TSPAN11: variants seen among roughly 807,000 people sequenced by gnomAD.
TSPAN11 encodes tetraspanin 11.
TSPAN11 carries 29 observed loss-of-function variants against 32.9 expected under a neutral mutation model. The observed-to-expected ratio is 0.88, with a 90% confidence interval of 0.66 to 1.20. The LOEUF is 1.20. Ranked by LOEUF, TSPAN11 falls within the 50% of genes most tolerant of loss-of-function variation. The probability of loss-of-function intolerance (pLI) is 0.00; values close to 1 mark genes in which losing one functional copy is unlikely to be tolerated. For missense variants in TSPAN11, 283 were observed against 329.1 expected, an observed-to-expected ratio of 0.86 and a Z score of 1.08; for synonymous variants, 140 against 141.3, an observed-to-expected ratio of 0.99 and a Z score of 0.07.
intron 1 of TSPAN11, among the ~76,000 whole-genome samples, chr12:30,943,293 C>G (rs1253188777): frequency 2.6e-5 from 4 of 152,322 alleles, no homozygotes; most frequent in Non-Finnish European, 4.4e-5. Context: ...AACGTCTGCT[C>G]TGCGTGTCTG....
the TSPAN11 span, among the ~76,000 whole-genome samples, chr12:31,011,477 C>T: frequency 2.0e-5 from 3 of 152,202 alleles, no homozygotes; most frequent in Non-Finnish European, 1.5e-5. Context: ...TCCATCCCTC[C>T]CAGCCCCAGC....
the TSPAN11 span, among the ~76,000 whole-genome samples, chr12:31,013,605 C>CAA: frequency 6.6e-6 from 1 of 151,524 alleles, no homozygotes; most frequent in Non-Finnish European, 1.5e-5. Flanking sequence ...CAAAACAAAA[C>CAA]AAAACAAAAC....
At chr12:30,931,297 G>C (rs11051166) in intron 1 of TSPAN11, among the ~76,000 whole-genome samples, 17,373 of 152,068 alleles carry the variant, frequency 0.11, 1,055 homozygotes, top group Non-Finnish European at 0.14. Context: ...ATCAGTTGAG[G>C]TCACTTGCTA....
At chr12:30,985,212 T>C (rs1288370749) in intron 7 of TSPAN11, among the ~76,000 whole-genome samples, 1 of 152,062 alleles carries the variant, frequency 6.6e-6, no homozygotes, top group Non-Finnish European at 1.5e-5. Flanking sequence ...AGTTCTTTCA[T>C]CTCTGAGTCT....
intron 7 of TSPAN11, among the ~76,000 whole-genome samples, chr12:30,990,008 CCT>C (rs1311677152): frequency 6.6e-6 from 1 of 152,200 alleles, no homozygotes; most frequent in African/African-American, 2.4e-5. Context: ...CTGTGTGCCC[CCT>C]GTTGGCTGCT....
intron 1 of TSPAN11, among the ~76,000 whole-genome samples, chr12:30,929,006 A>G (rs1426042441): frequency 1.3e-5 from 2 of 152,234 alleles, no homozygotes; most frequent in East Asian, 3.8e-4. Flanking sequence ...TAAATTAGTA[A>G]GGGGATGTGC....
the TSPAN11 span, among the ~76,000 whole-genome samples, chr12:31,004,905 A>G: frequency 6.6e-6 from 1 of 152,216 alleles, no homozygotes; most frequent in Admixed American, 6.5e-5. Flanking sequence ...TCTGTTAGCA[A>G]ACACCATCAC....
the TSPAN11 span, among the ~76,000 whole-genome samples, chr12:31,004,123 C>T: frequency 2.6e-5 from 4 of 152,268 alleles, no homozygotes; most frequent in South Asian, 2.1e-4. Flanking sequence ...CCCCAGCCAG[C>T]GACATGCACT....
intron 7 of TSPAN11, among the ~76,000 whole-genome samples, chr12:30,989,940 C>T (rs571758049): frequency 2.0e-5 from 3 of 152,306 alleles, no homozygotes; most frequent in South Asian, 4.1e-4. Context: ...GCCTCCAAGC[C>T]GGGCCCAACC....
chr12:30,958,486 G>A (rs1224389547), intron 2 of TSPAN11, among the ~76,000 whole-genome samples: 5 of 152,066 alleles, frequency 3.3e-5, no homozygotes, highest in Admixed American at 2.0e-4. Context: ...CATTTTGGGC[G>A]TGGGACTGGG....
downstream of TSPAN11, among the ~76,000 whole-genome samples, chr12:30,999,506 T>G (rs1391116203): frequency 6.6e-6 from 1 of 152,122 alleles, no homozygotes; most frequent in East Asian, 1.9e-4. Context: ...AGCAAAGTCA[T>G]CTAACACAAA....
Position 30,958,812 on chromosome 12 carries a change from C to T in TSPAN11, c.84+4737C>T, listed in dbSNP as rs1244414228. Among the ~76,000 whole-genome samples, 4 of 152,188 alleles carry T rather than the reference C, an allele frequency of 2.6e-5. No homozygotes were observed. In the South Asian group the frequency reaches 6.2e-4, roughly 24 times the overall value. ...GCAGTGGCAGTGTCAGGCATGGGTC[C>T]CTTGATGGCCCAAGAGCGTGGCATC... On this transcript the variant is annotated intron_variant, in intron 2 of 7. Transcript: ENST00000546076.
At position 30,959,133 on chromosome 12, in the gene TSPAN11, A is replaced by G. The variant is rs367616480; in HGVS notation, c.85-4693A>G. On this transcript the variant is annotated intron_variant, in intron 2 of 7. Coordinates refer to ENST00000546076, the MANE Select transcript of TSPAN11 (RefSeq NM_001370302.1). ...TTTCCACAGCCCTCTACAGAGCCTC[A>G]TCCACTGAGTCTCACACTCACTGGG... Among the ~76,000 whole-genome samples, 9 of 152,238 alleles carry G rather than the reference A, an allele frequency of 5.9e-5. No homozygotes were observed. The East Asian group carries it at 1.5e-3, about 26-fold the overall frequency.
At chr12:31,011,042 G>C in the TSPAN11 span, among the ~76,000 whole-genome samples, 1 of 152,192 alleles carries the variant, frequency 6.6e-6, no homozygotes, top group Non-Finnish European at 1.5e-5. Flanking sequence ...AACACTTACT[G>C]TACATTTTCA....
the TSPAN11 span, among the ~76,000 whole-genome samples, chr12:31,010,492 C>CCT: frequency 6.6e-6 from 1 of 151,998 alleles, no homozygotes; most frequent in Admixed American, 6.6e-5. Context: ...TCAGGGTGGG[C>CCT]AACTTTAAAG....
At chr12:30,983,337 C>T (rs1422394477) in intron 7 of TSPAN11, among the ~76,000 whole-genome samples, 187 bp downstream of exon 7, 1 of 152,222 alleles carries the variant, frequency 6.6e-6, no homozygotes, top group Non-Finnish European at 1.5e-5. Flanking sequence ...GTCTCTCCCC[C>T]AGAGAACATG....
chr12:30,982,937 C>A, intron 6 of TSPAN11, 127 bp from the exon 7 acceptor site: 1 of 1,169,800 alleles, frequency 8.5e-7, no homozygotes, highest in Non-Finnish European at 1.2e-6. Context: ...GTGAGCAATT[C>A]AAGGTTGGGT....
In TSPAN11 at chr12:30,964,027, CG is replaced by C; in HGVS notation, c.276+11del. On this transcript the variant is annotated intron_variant, in intron 3 of 7. Coordinates refer to ENST00000546076, the MANE Select transcript of TSPAN11 (RefSeq NM_001370302.1). Reference sequence around the variant, plus strand: ...GGGCTGCCTCTCCACGGTCAGTGCCCGCCCTGTGCTCTGCAGGGATGGGGAG... The same window carrying C: ...GGGCTGCCTCTCCACGGTCAGTGCCCCCCTGTGCTCTGCAGGGATGGGGAG... The C allele has an allele frequency of 6.2e-7, 1 of 1,611,314 alleles. No individual in the cohort carries two copies. Among genetic ancestry groups the C allele is most frequent in the Non-Finnish European group, 8.5e-7 (1 of 1,179,232 alleles).
At chr12:30,979,786 G>A (rs1418860020) in intron 5 of TSPAN11, 116 bp downstream of exon 5, 1 of 978,906 alleles carries the variant, frequency 1.0e-6, no homozygotes, top group Non-Finnish European at 1.5e-6. Flanking sequence ...AGCTTCAAAT[G>A]TCACATCCTT....
Sources: gnomAD v4.1 joint callset for allele counts (sites outside exome capture counted in the v4.1 genomes callset) on GRCh38, gnomAD v4.1.1 for gene constraint, MANE v1.5 for transcripts, NCBI Gene and HGNC (gene_info 2026-07-23, HGNC 2026-07-21) for gene names.